Variants in CCDC91 observed in about 807,000 individuals in gnomAD.
The protein encoded by CCDC91 is coiled-coil domain-containing protein 91.
A neutral mutation model predicts 63.2 loss-of-function variants in CCDC91; 48 were observed. The observed-to-expected ratio is 0.76, with a 90% CI of 0.60 to 0.97. The LOEUF is 0.97. CCDC91 is among the 50% of genes least tolerant of loss of function. The pLI is 0.00. For missense variants in CCDC91, 500 were observed against 494.6 expected (o/e 1.01, Z -0.10); for synonymous variants, 167 against 165.8 (o/e 1.01, Z -0.06).
At chr12:28,249,864 C>A in intron 1 of CCDC91, among the ~76,000 whole-genome samples, 1 of 151,854 alleles carries the variant, frequency 6.6e-6, no homozygotes, top group East Asian at 1.9e-4. Flanking sequence ...ATTCATTGAG[C>A]GATGAGATTT....
intron 3 of CCDC91, among the ~76,000 whole-genome samples, chr12:28,280,807 C>T (rs927613578): frequency 1.5e-5 from 2 of 130,284 alleles, no homozygotes; most frequent in Admixed American, 1.7e-4. Flanking sequence ...AGTGAGACCG[C>T]GTTTCTTTAA....
chr12:28,521,052 C>A (rs543554526), intron 12 of CCDC91, among the ~76,000 whole-genome samples: 1 of 152,054 alleles, frequency 6.6e-6, no homozygotes, highest in Non-Finnish European at 1.5e-5. Flanking sequence ...CTTGGCAATG[C>A]GGGCTCTTTT....
At chr12:28,302,167 T>G (rs564627916) in intron 3 of CCDC91, among the ~76,000 whole-genome samples, 7 of 152,140 alleles carry the variant, frequency 4.6e-5, no homozygotes, top group Admixed American at 2.0e-4. Context: ...CTGCTTTAAA[T>G]GTATCCCATA....
chr12:28,429,786 C>G (rs916498023), intron 8 of CCDC91, among the ~76,000 whole-genome samples: 2 of 152,004 alleles, frequency 1.3e-5, no homozygotes, highest in African/African-American at 4.8e-5. Flanking sequence ...ATGTGCCACT[C>G]TATGAATTTT....
At chr12:28,261,800 CTG>C (rs1351686722) in intron 3 of CCDC91, among the ~76,000 whole-genome samples, 1 of 151,866 alleles carries the variant, frequency 6.6e-6, no homozygotes, top group Non-Finnish European at 1.5e-5. Context: ...CTTCGCGAAA[CTG>C]GAATTAAAGG....
chr12:28,328,034 CTGTTAA>C (rs1941175678), intron 6 of CCDC91, among the ~76,000 whole-genome samples: 2 of 152,210 alleles, frequency 1.3e-5, no homozygotes, highest in Admixed American at 1.3e-4. Flanking sequence ...TAGGGGCACT[CTGTTAA>C]TTTAACACTG....
Position 28,341,139 on chromosome 12 carries a change from C to T in CCDC91, c.577-21299C>T, listed in dbSNP as rs569576296. On this transcript the variant is annotated intron_variant, in intron 6 of 12. Coordinates refer to ENST00000536442, the MANE Select transcript of CCDC91 (RefSeq NM_018318.5). Reference sequence around the variant, plus strand: ...TGCTTTTCCACTGGCGTCCTCTCAACGTCCAGCCACTACATCTTCTTCTGC... The same window carrying T: ...TGCTTTTCCACTGGCGTCCTCTCAATGTCCAGCCACTACATCTTCTTCTGC... Among the ~76,000 whole-genome samples, 9 of 152,314 alleles carry T rather than the reference C, an allele frequency of 5.9e-5. No individual in the cohort carries two copies. In the South Asian group the frequency reaches 1.4e-3, roughly 25 times the overall value.
intron 1 of CCDC91, among the ~76,000 whole-genome samples, chr12:28,208,492 C>T (rs1482890080): frequency 6.6e-6 from 1 of 152,058 alleles, no homozygotes; most frequent in East Asian, 1.9e-4. Context: ...ATCCTGTTTA[C>T]CTGTCTCTTA....
At chr12:28,224,759 A>G (rs1319487179) in intron 1 of CCDC91, among the ~76,000 whole-genome samples, 1 of 152,220 alleles carries the variant, frequency 6.6e-6, no homozygotes, top group African/African-American at 2.4e-5. Context: ...GGCCACAGTG[A>G]AAGTTTTTGT....
intron 12 of CCDC91, among the ~76,000 whole-genome samples, chr12:28,525,261 C>T (rs1031521968): frequency 5.3e-5 from 8 of 152,120 alleles, no homozygotes; most frequent in African/African-American, 1.7e-4. Flanking sequence ...CCTCCTAGCA[C>T]CACCTTTGCT....
chr12:28,271,562 A>G (rs868323210), intron 3 of CCDC91, among the ~76,000 whole-genome samples: 3 of 151,512 alleles, frequency 2.0e-5, no homozygotes, highest in Non-Finnish European at 4.4e-5. Flanking sequence ...AGTTGTTTTT[A>G]TTGTTATTGT....
chr12:28,327,752 T>G (rs1941146682), intron 6 of CCDC91, among the ~76,000 whole-genome samples: 1 of 152,158 alleles, frequency 6.6e-6, no homozygotes, highest in African/African-American at 2.4e-5. Flanking sequence ...TCAGTAGTGA[T>G]TGTCAGCTGT....
At chr12:28,426,105 C>T (rs1225065041) in intron 8 of CCDC91, among the ~76,000 whole-genome samples, 1 of 152,122 alleles carries the variant, frequency 6.6e-6, no homozygotes, top group African/African-American at 2.4e-5. Flanking sequence ...TATCACTAGT[C>T]TCTTCTCTCA....
chr12:28,193,955 A>C (rs545991716), intron 1 of CCDC91, among the ~76,000 whole-genome samples: 2 of 152,170 alleles, frequency 1.3e-5, no homozygotes, highest in African/African-American at 4.8e-5. Context: ...ATTATCGTAT[A>C]TATGTTCACA....
intron 1 of CCDC91, among the ~76,000 whole-genome samples, chr12:28,227,364 G>A (rs963380473): frequency 6.6e-6 from 1 of 151,862 alleles, no homozygotes; most frequent in Non-Finnish European, 1.5e-5. Context: ...TTTCTACTTG[G>A]CTTGGCCAGT....
chr12:28,512,922 A>G (rs1440692728), intron 12 of CCDC91, among the ~76,000 whole-genome samples: 3 of 151,924 alleles, frequency 2.0e-5, no homozygotes, highest in East Asian at 1.9e-4. Flanking sequence ...TCCTTATATT[A>G]TATGGCCTTT....
rs149135037 is a variant in CCDC91 at position 28,299,957 on chromosome 12, T to G, written c.110-5692T>G. 5.1e-4 allele frequency among the ~76,000 whole-genome samples: 78 copies of G among 151,658 alleles called. No homozygotes were observed. In the East Asian group the frequency reaches 0.013, roughly 26 times the overall value. On this transcript the variant is annotated intron_variant, in intron 3 of 12. Coordinates refer to ENST00000536442, the MANE Select transcript of CCDC91 (RefSeq NM_018318.5). Reference sequence around the variant, plus strand: ...TCCCCAGGTTTTAAATGTTCTTTATTTATTAGGAATATTGGCCCTTATCTG... The same window carrying G: ...TCCCCAGGTTTTAAATGTTCTTTATGTATTAGGAATATTGGCCCTTATCTG...
intron 5 of CCDC91, 54 bp from the exon 6 acceptor site, chr12:28,307,591 T>C: frequency 1.1e-6 from 1 of 936,938 alleles, no homozygotes; most frequent in Admixed American, 2.7e-5. Context: ...AAAAAACTAA[T>C]TATATTTTAT....
intron 11 of CCDC91, among the ~76,000 whole-genome samples, chr12:28,473,207 C>T (rs1217620203): frequency 1.3e-5 from 2 of 152,110 alleles, no homozygotes; most frequent in Non-Finnish European, 2.9e-5. Flanking sequence ...TCAGTCAAAG[C>T]CCTGAGCTCA....
Sources: allele counts gnomAD v4.1 joint callset (sites outside exome capture counted in the v4.1 genomes callset), GRCh38; gene constraint gnomAD v4.1.1; transcripts MANE v1.5; gene names NCBI Gene and HGNC (gene_info 2026-07-23, HGNC 2026-07-21).